Variants in ZNF385D observed in about 807,000 individuals in gnomAD.
ZNF385D encodes zinc finger protein 659.
A neutral mutation model predicts 35.8 loss-of-function variants in ZNF385D; 15 were observed. That is an observed-to-expected ratio of 0.42 (90% CI 0.28 to 0.64). The LOEUF (loss-of-function observed/expected upper bound fraction) is 0.64. Ranked by LOEUF, ZNF385D falls within the 30% of genes least tolerant of loss-of-function variation. The pLI is 0.23. For missense variants in ZNF385D, 474 were observed against 494.6 expected (o/e 0.96, Z 0.39); for synonymous variants, 212 against 186.8 (o/e 1.13, Z -1.10).
At chr3:22,342,857 T>G (rs1695487294) in intron 2 of ZNF385D, among the ~76,000 whole-genome samples, 1 of 152,194 alleles carries the variant, frequency 6.6e-6, no homozygotes, top group South Asian at 2.1e-4. Context: ...CTCAAAAGCT[T>G]CCTGACTATT....
chr3:22,101,584 G>A (rs553016720), intron 3 of ZNF385D, among the ~76,000 whole-genome samples: 2 of 152,006 alleles, frequency 1.3e-5, no homozygotes, highest in African/African-American at 4.8e-5. Flanking sequence ...TTTATACTGT[G>A]CTAAGACTTG....
chr3:21,935,233 G>C (rs969501681), intron 3 of ZNF385D, among the ~76,000 whole-genome samples: 1 of 152,018 alleles, frequency 6.6e-6, no homozygotes, highest in Non-Finnish European at 1.5e-5. Flanking sequence ...TCAATTTTTT[G>C]TGCTATGCAT....
At chr3:21,592,095 G>A (rs186258993) in intron 2 of ZNF385D, among the ~76,000 whole-genome samples, 13 of 152,186 alleles carry the variant, frequency 8.5e-5, no homozygotes, top group East Asian at 3.9e-4. Context: ...ATGCTGTGGC[G>A]ATTAAGTGAG....
intron 3 of ZNF385D, among the ~76,000 whole-genome samples, chr3:22,110,753 C>T (rs534463260): frequency 8.0e-5 from 12 of 150,694 alleles, no homozygotes; most frequent in South Asian, 4.2e-4. Context: ...CTAACCTGCC[C>T]GTTGTGAACA....
chr3:22,003,151 A>T (rs1559838947), intron 3 of ZNF385D, among the ~76,000 whole-genome samples: 1 of 152,240 alleles, frequency 6.6e-6, no homozygotes, highest in Non-Finnish European at 1.5e-5. Context: ...CGCAGATGAC[A>T]TAATATTACA....
chr3:21,776,393 G>GT (rs2071289362), intron 3 of ZNF385D, among the ~76,000 whole-genome samples: 1 of 151,940 alleles, frequency 6.6e-6, no homozygotes, highest in Non-Finnish European at 1.5e-5. Context: ...CATGAGCGCC[G>GT]TGTGTGACGG....
intron 3 of ZNF385D, among the ~76,000 whole-genome samples, chr3:21,557,699 T>C (rs1208048361): frequency 3.3e-5 from 5 of 152,190 alleles, no homozygotes; most frequent in Admixed American, 6.5e-5. Context: ...GAGGATTCCC[T>C]CTTTTTCTGT....
intron 3 of ZNF385D, among the ~76,000 whole-genome samples, chr3:22,061,557 A>C (rs1699687326): frequency 6.6e-6 from 1 of 152,164 alleles, no homozygotes; most frequent in Non-Finnish European, 1.5e-5. Context: ...CAAAGTCTTC[A>C]ATTCCTATGG....
At chr3:21,447,051 T>G (rs1298723604) in intron 4 of ZNF385D, among the ~76,000 whole-genome samples, 2 of 152,178 alleles carry the variant, frequency 1.3e-5, no homozygotes, top group Non-Finnish European at 2.9e-5. Flanking sequence ...CCAAATATAA[T>G]TTAAGCCAAA....
At chr3:21,434,075 A>T (rs1701433334) in intron 5 of ZNF385D, among the ~76,000 whole-genome samples, 1 of 152,326 alleles carries the variant, frequency 6.6e-6, no homozygotes. Flanking sequence ...AATATGAAGA[A>T]ATAGAATCGG....
chr3:21,982,816 G>A (rs1325636694), intron 3 of ZNF385D, among the ~76,000 whole-genome samples: 2 of 101,148 alleles, frequency 2.0e-5, no homozygotes, highest in Non-Finnish European at 4.0e-5. Flanking sequence ...TTTATTGAAA[G>A]CCTTTTTTTT....
At chr3:21,542,289 T>C (rs937311541) in intron 3 of ZNF385D, among the ~76,000 whole-genome samples, 1 of 151,970 alleles carries the variant, frequency 6.6e-6, no homozygotes, top group African/African-American at 2.4e-5. Context: ...TTTATCAAAA[T>C]GCAGAAATTA....
At chr3:22,203,504 G>C (rs1035061985) in intron 2 of ZNF385D, among the ~76,000 whole-genome samples, 4 of 152,098 alleles carry the variant, frequency 2.6e-5, no homozygotes, top group Admixed American at 2.0e-4. Context: ...TTGTCTTATA[G>C]CTTAGGTACC....
chr3:21,903,075 T>C (rs1181792239), intron 3 of ZNF385D, among the ~76,000 whole-genome samples: 2 of 152,124 alleles, frequency 1.3e-5, no homozygotes, highest in African/African-American at 4.8e-5. Flanking sequence ...AGTGCTAGCT[T>C]TGCAACCCCA....
intron 3 of ZNF385D, among the ~76,000 whole-genome samples, chr3:21,832,925 T>C (rs1575741272): frequency 6.6e-6 from 1 of 152,278 alleles, no homozygotes; most frequent in East Asian, 1.9e-4. Flanking sequence ...ATACTTGTGG[T>C]CAAAAACTTT....
chr3:21,463,322 C>T (rs1703303017), intron 4 of ZNF385D, among the ~76,000 whole-genome samples: 1 of 152,074 alleles, frequency 6.6e-6, no homozygotes, highest in Non-Finnish European at 1.5e-5. Context: ...AGAAGGAAGT[C>T]TATGGGATTG....
At chr3:21,809,520 A>G (rs1443311518) in intron 3 of ZNF385D, among the ~76,000 whole-genome samples, 1 of 151,734 alleles carries the variant, frequency 6.6e-6, no homozygotes, top group African/African-American at 2.4e-5. Flanking sequence ...AAGGTATTGA[A>G]ACAAGTAGAT....
At chr3:21,556,522 C>G (rs939936737) in intron 3 of ZNF385D, among the ~76,000 whole-genome samples, 3 of 128,878 alleles carry the variant, frequency 2.3e-5, no homozygotes, top group Non-Finnish European at 4.8e-5. Context: ...TGTCAAAGAT[C>G]AAATGGTTGT....
intron 3 of ZNF385D, among the ~76,000 whole-genome samples, chr3:21,801,834 C>T (rs1288882463): frequency 6.6e-6 from 1 of 152,074 alleles, no homozygotes; most frequent in Non-Finnish European, 1.5e-5. Context: ...TCAGGATGCT[C>T]AGTGATTACT....
Sources: gnomAD v4.1 joint callset for allele counts (sites outside exome capture counted in the v4.1 genomes callset) on GRCh38, gnomAD v4.1.1 for gene constraint, MANE v1.5 for transcripts, NCBI Gene and HGNC (gene_info 2026-07-23, HGNC 2026-07-21) for gene names.